EBF2: variants seen among roughly 807,000 people sequenced by gnomAD.
EBF2 encodes the protein transcription factor COE2.
Under a neutral mutation model 72.8 loss-of-function variants are expected in EBF2, and 21 were observed. That is an observed-to-expected ratio of 0.29 (90% CI 0.20 to 0.42). EBF2 has a LOEUF of 0.42. EBF2 is among the 10% of genes least tolerant of loss of function. The pLI is 1.00. For synonymous variants in EBF2, 299 were observed against 274.2 expected (o/e 1.09, Z -0.89); for missense variants, 637 against 731.2 (o/e 0.87, Z 1.49).
intron 6 of EBF2, among the ~76,000 whole-genome samples, chr8:25,927,032 A>G (rs1803398567): frequency 6.6e-6 from 1 of 152,186 alleles, no homozygotes; most frequent in African/African-American, 2.4e-5. Context: ...ACTTAATCCA[A>G]CACTAATCTA....
At chr8:26,028,463 T>A (rs1033757170) in intron 6 of EBF2, among the ~76,000 whole-genome samples, 1 of 152,142 alleles carries the variant, frequency 6.6e-6, no homozygotes, top group African/African-American at 2.4e-5. Context: ...AGATTCAAAA[T>A]AAATTATTGC....
intron 10 of EBF2, among the ~76,000 whole-genome samples, chr8:25,879,888 C>T (rs1481486087): frequency 4.6e-5 from 7 of 152,068 alleles, no homozygotes; most frequent in Admixed American, 6.6e-5. Flanking sequence ...TCTCTGTCAA[C>T]TTGATAGGGA....
At chr8:26,002,841 G>A (rs1804754712) in intron 6 of EBF2, among the ~76,000 whole-genome samples, 1 of 118,516 alleles carries the variant, frequency 8.4e-6, no homozygotes, top group Admixed American at 8.9e-5. Flanking sequence ...CAGGCAGGCA[G>A]GCAGGCAGGC....
chr8:25,955,492 A>G (rs1803931120), intron 6 of EBF2, among the ~76,000 whole-genome samples: 1 of 152,218 alleles, frequency 6.6e-6, no homozygotes, highest in Non-Finnish European at 1.5e-5. Flanking sequence ...TAGAGATTTT[A>G]CCACTATAAA....
At chr8:25,893,343 G>A (rs2117296937) in intron 7 of EBF2, among the ~76,000 whole-genome samples, 1 of 140,764 alleles carries the variant, frequency 7.1e-6, no homozygotes, top group East Asian at 2.0e-4. Flanking sequence ...GTGCAGTGCA[G>A]TGGCCTGATC....
intron 6 of EBF2, among the ~76,000 whole-genome samples, chr8:25,993,142 T>G (rs1804572567): frequency 6.6e-6 from 1 of 152,182 alleles, no homozygotes; most frequent in African/African-American, 2.4e-5. Flanking sequence ...AGGTCATTAT[T>G]CTTCCACTAA....
intron 6 of EBF2, among the ~76,000 whole-genome samples, chr8:25,938,397 T>C (rs1321925852): frequency 1.6e-4 from 25 of 152,042 alleles, no homozygotes; most frequent in Middle Eastern, 3.4e-3. Context: ...GCCTAGTTTT[T>C]TTTTTGTCTT....
chr8:26,044,952 A>C lies in EBF2; in HGVS notation c.-93T>G. Reference sequence around the variant, plus strand: ...ACGTTGCCAGCAAATCGTCTCCTCCAAAGCAATCCAAGAAAAGGGATCAAG... The same window carrying C: ...ACGTTGCCAGCAAATCGTCTCCTCCCAAGCAATCCAAGAAAAGGGATCAAG... On this transcript the variant is annotated 5_prime_UTR_variant, in exon 1 of 16. Transcript: ENST00000520164. The surrounding 1 kb of genome is among the most constrained non-coding windows in gnomAD (Gnocchi z 4.1). The C allele has an allele frequency of 4.3e-6, 6 of 1,401,496 alleles. No individual in the cohort carries two copies. In the East Asian group the frequency reaches 1.4e-4, roughly 33 times the overall value. The allele number at this position is 1,401,496 out of a possible 1,614,324, so 86.8% of individuals were successfully genotyped here. A position where few individuals can be genotyped will look rare whatever the true frequency, so the allele number is the denominator to read the frequency against.
intron 6 of EBF2, among the ~76,000 whole-genome samples, chr8:25,948,071 G>GCATTCATT (rs376459361): frequency 4.6e-5 from 7 of 152,096 alleles, no homozygotes; most frequent in Admixed American, 3.3e-4. Context: ...AGGTGGCCAA[G>GCATTCATT]CATTCATTCA....
chr8:26,039,575 G>T (rs993914609), intron 5 of EBF2, among the ~76,000 whole-genome samples: 2 of 152,216 alleles, frequency 1.3e-5, no homozygotes, highest in African/African-American at 4.8e-5. Context: ...AAGCACCCCG[G>T]AAATGAGCCG....
chr8:25,859,939 A>C (rs1225642995), intron 13 of EBF2, among the ~76,000 whole-genome samples: 1 of 151,042 alleles, frequency 6.6e-6, no homozygotes, highest in Non-Finnish European at 1.5e-5. Context: ...CTGGTCTCAA[A>C]CTCCTGAGCT....
At position 25,950,872 on chromosome 8, in the gene EBF2, A is replaced by T. The variant is rs148931629; in HGVS notation, c.552-42317T>A. Reference sequence around the variant, plus strand: ...TACAGTTTTAACACAAATTGATATTAAAAAAAAAGGAAGCAGAGTTTTAAA... The same window carrying T: ...TACAGTTTTAACACAAATTGATATTTAAAAAAAAGGAAGCAGAGTTTTAAA... On this transcript the variant is annotated intron_variant, in intron 6 of 15. Coordinates refer to ENST00000520164, the MANE Select transcript of EBF2 (RefSeq NM_022659.4). Among the ~76,000 whole-genome samples the T allele has an allele frequency of 4.2e-3, 631 of 151,278 alleles. 5 individuals are homozygous for T. The highest frequency in any genetic ancestry group is 0.013 in the African/African-American group (546 of 41,260).
At chr8:25,956,078 G>A (rs1453050526) in intron 6 of EBF2, among the ~76,000 whole-genome samples, 2 of 152,072 alleles carry the variant, frequency 1.3e-5, no homozygotes, top group African/African-American at 4.8e-5. Flanking sequence ...ATGGGCAGGT[G>A]TGTAGGTCTG....
intron 6 of EBF2, among the ~76,000 whole-genome samples, chr8:25,977,211 G>A (rs1199241043): frequency 1.3e-5 from 2 of 152,154 alleles, no homozygotes; most frequent in East Asian, 3.9e-4. Context: ...GTACAGTGAA[G>A]GGCAGGGCGG....
At chr8:25,855,641 T>TC (rs1364569553) in intron 14 of EBF2, among the ~76,000 whole-genome samples, 6 of 152,174 alleles carry the variant, frequency 3.9e-5, no homozygotes, top group African/African-American at 1.2e-4. Context: ...CAAAATGTTT[T>TC]CCCCCGGGCT....
intron 7 of EBF2, among the ~76,000 whole-genome samples, chr8:25,896,644 GAAAGGGACAGAGAAACCATT>G (rs1802867557): frequency 1.3e-5 from 2 of 152,154 alleles, no homozygotes; most frequent in African/African-American, 4.8e-5. Flanking sequence ...GTGGAAGGAG[GAAAGGGACAGAGAAACCATT>G]AAAGGGACAG....
chr8:25,913,490 G>C (rs1056870913), intron 6 of EBF2, among the ~76,000 whole-genome samples: 2 of 152,106 alleles, frequency 1.3e-5, no homozygotes, highest in African/African-American at 4.8e-5. Flanking sequence ...CTTAGTAGTA[G>C]TTAACAGCTA....
At chr8:25,882,200 T>G (rs1259474235) in intron 10 of EBF2, among the ~76,000 whole-genome samples, 1 of 151,868 alleles carries the variant, frequency 6.6e-6, no homozygotes, top group Non-Finnish European at 1.5e-5. Context: ...TGCTATGGGG[T>G]CAGAGCCCCA....
intron 14 of EBF2, among the ~76,000 whole-genome samples, chr8:25,851,139 C>T (rs546515471): frequency 6.6e-6 from 1 of 152,188 alleles, no homozygotes; most frequent in Admixed American, 6.5e-5. Context: ...ATCATCAAAT[C>T]TACCCAGCAA....
Sources: gnomAD v4.1 joint callset for allele counts (sites outside exome capture counted in the v4.1 genomes callset) on GRCh38, gnomAD v4.1.1 for gene constraint, Gnocchi (gnomAD v3.1) non-coding constraint, MANE v1.5 for transcripts, NCBI Gene and HGNC (gene_info 2026-07-23, HGNC 2026-07-21) for gene names.